Variants in RASAL2 observed in about 807,000 individuals in gnomAD.
RASAL2 encodes RAS protein activator like 2, also known as ras GTPase-activating protein nGAP.
In RASAL2, 58 loss-of-function variants were observed where a neutral mutation model predicts 128.9. That is an observed-to-expected ratio of 0.45 (90% CI 0.36 to 0.56). The LOEUF is 0.56. RASAL2 is among the 20% of genes least tolerant of loss of function. The pLI, the probability that RASAL2 is intolerant of heterozygous loss-of-function variation, is 0.00. For missense variants in RASAL2, 1,360 were observed against 1,601.6 expected (o/e 0.85, Z 2.57); for synonymous variants, 561 against 580.8 (o/e 0.97, Z 0.49).
chr1:178,309,358 G>A (rs1019931939), intron 3 of RASAL2, among the ~76,000 whole-genome samples: 2 of 152,058 alleles, frequency 1.3e-5, no homozygotes. Flanking sequence ...CATTATATTT[G>A]TATTCCACAT....
chr1:178,464,525 T>TATGTTAATC, intron 15 of RASAL2, 113 bp downstream of exon 15: 1 of 1,230,560 alleles, frequency 8.1e-7, no homozygotes, highest in African/African-American at 1.5e-5. Context: ...CTCTACCCCT[T>TATGTTAATC]ATGTTAATCA....
At chr1:178,174,037 C>CA (rs1212897212) in intron 1 of RASAL2, among the ~76,000 whole-genome samples, 2 of 151,754 alleles carry the variant, frequency 1.3e-5, no homozygotes, top group Non-Finnish European at 2.9e-5. Flanking sequence ...GAGGCAGTGA[C>CA]ATTAGGACAG....
At chr1:178,112,779 G>C (rs1353287654) in intron 1 of RASAL2, among the ~76,000 whole-genome samples, 2 of 124,052 alleles carry the variant, frequency 1.6e-5, no homozygotes, top group Admixed American at 1.7e-4. Context: ...GGAGGGGGGA[G>C]GGATAGCTTT....
chr1:178,143,469 T>A (rs1316781338), intron 1 of RASAL2, among the ~76,000 whole-genome samples: 2 of 152,094 alleles, frequency 1.3e-5, no homozygotes, highest in Non-Finnish European at 2.9e-5. Flanking sequence ...CCCCAAATCA[T>A]TAAATTAACT....
intron 3 of RASAL2, among the ~76,000 whole-genome samples, chr1:178,368,696 G>A (rs2102507713): frequency 6.6e-6 from 1 of 151,392 alleles, no homozygotes; most frequent in East Asian, 1.9e-4. Flanking sequence ...GCAGCACAGT[G>A]GCACAGTCAT....
intron 14 of RASAL2, 75 bp downstream of exon 14, chr1:178,458,619 T>G (rs1437515442): frequency 6.8e-7 from 1 of 1,481,340 alleles, no homozygotes; most frequent in Admixed American, 2.3e-5. Flanking sequence ...CATAAATCAT[T>G]GGGAAATCCT....
chr1:178,101,847 A>G (rs1439939815), intron 1 of RASAL2, among the ~76,000 whole-genome samples: 1 of 152,226 alleles, frequency 6.6e-6, no homozygotes, highest in Non-Finnish European at 1.5e-5. Context: ...GCTGAAGGTC[A>G]GGAAAACTCG....
At chr1:178,246,276 C>G (rs1281089459) in intron 1 of RASAL2, among the ~76,000 whole-genome samples, 1 of 152,128 alleles carries the variant, frequency 6.6e-6, no homozygotes, top group African/African-American at 2.4e-5. Context: ...TCGAAGAGGT[C>G]CTTCACATCC....
intron 1 of RASAL2, among the ~76,000 whole-genome samples, chr1:178,209,889 T>C (rs770864452): frequency 2.6e-5 from 4 of 152,040 alleles, no homozygotes; most frequent in Non-Finnish European, 5.9e-5. Context: ...TGGATTTCTT[T>C]TTATTTATTT....
At chr1:178,144,940 T>G (rs919987072) in intron 1 of RASAL2, among the ~76,000 whole-genome samples, 10 of 152,198 alleles carry the variant, frequency 6.6e-5, no homozygotes, top group Non-Finnish European at 1.3e-4. Context: ...GAACTGCTAT[T>G]ATTTAGTATC....
intron 1 of RASAL2, among the ~76,000 whole-genome samples, chr1:178,150,710 A>C (rs1660883547): frequency 6.6e-6 from 1 of 152,100 alleles, no homozygotes; most frequent in Admixed American, 6.5e-5. Flanking sequence ...TGTGTTTGCA[A>C]ATTCACCTGC....
intron 3 of RASAL2, among the ~76,000 whole-genome samples, chr1:178,335,233 A>G (rs1669530288): frequency 6.6e-6 from 1 of 152,100 alleles, no homozygotes; most frequent in South Asian, 2.1e-4. Flanking sequence ...AGGTTTGGAT[A>G]AAGGATAATA....
chr1:178,328,187 G>A (rs562264690), intron 3 of RASAL2, among the ~76,000 whole-genome samples: 3 of 152,098 alleles, frequency 2.0e-5, no homozygotes, highest in Non-Finnish European at 2.9e-5. Flanking sequence ...CTCCTATCAC[G>A]TTTTTGGTGT....
At position 178,442,939 on chromosome 1, in the gene RASAL2, G is replaced by A. The variant is rs760328849; in HGVS notation, c.1192G>A (p.Val398Ile). 1.2e-6 allele frequency: 2 copies of A among 1,613,966 alleles called. No homozygotes were observed. The highest frequency in any genetic ancestry group is 3.3e-5 in the Admixed American group (2 of 59,948). The change falls in exon 8 of 18, where the codon GTC becomes ATC. Residue 398 changes from valine (V) to isoleucine (I), a missense_variant. Physicochemically the swap from Val to Ile is conservative, Grantham distance 29 (BLOSUM62 3). Around this residue, in one of 3 missense-constraint regions of RASAL2, gnomAD observed 617 missense variants for 714.2 expected, o/e 0.86. Coordinates refer to ENST00000367649, the MANE Select transcript of RASAL2 (RefSeq NM_170692.4). ...GGACAAGAATAATTATGTAGGGCTA[G>A]TCAACATCCCCACTGCCAGTGTGAC... ...KKDKNNYVGL[V>I]NIPTASVTGR...
intron 8 of RASAL2, among the ~76,000 whole-genome samples, chr1:178,443,835 T>A (rs1208827737): frequency 2.0e-5 from 3 of 152,166 alleles, no homozygotes; most frequent in African/African-American, 7.2e-5. Flanking sequence ...GAACAAAAAC[T>A]AGTTGAGAGA....
chr1:178,179,709 GATA>G (rs1662020846), intron 1 of RASAL2, among the ~76,000 whole-genome samples: 2 of 152,160 alleles, frequency 1.3e-5, no homozygotes, highest in South Asian at 2.1e-4. Flanking sequence ...ATATAGAAAT[GATA>G]ATAATGGCTA....
intron 3 of RASAL2, among the ~76,000 whole-genome samples, chr1:178,336,725 G>A (rs1669604264): frequency 6.6e-6 from 1 of 151,812 alleles, no homozygotes; most frequent in African/African-American, 2.4e-5. Context: ...TAAATGAGGA[G>A]GTCCAATATT....
intron 3 of RASAL2, among the ~76,000 whole-genome samples, chr1:178,363,251 C>A (rs1331049177): frequency 6.6e-6 from 1 of 152,014 alleles, no homozygotes; most frequent in African/African-American, 2.4e-5. Flanking sequence ...TTTTCATTTT[C>A]CTGATGATTA....
intron 3 of RASAL2, among the ~76,000 whole-genome samples, chr1:178,367,056 T>C (rs1671441222): frequency 6.6e-6 from 1 of 152,230 alleles, no homozygotes; most frequent in African/African-American, 2.4e-5. Context: ...AATTTTATAG[T>C]ATGTGAATTA....
Sources: allele counts gnomAD v4.1 joint callset (sites outside exome capture counted in the v4.1 genomes callset), GRCh38; gene constraint gnomAD v4.1.1; regional missense constraint gnomAD v4.1.1; transcripts MANE v1.5; gene names NCBI Gene and HGNC (gene_info 2026-07-23, HGNC 2026-07-21).